Variants in HNRNPA1L2 observed in about 807,000 individuals in gnomAD.
The protein encoded by HNRNPA1L2 is heterogeneous nuclear ribonucleoprotein A1-like 2.
In HNRNPA1L2, 10 loss-of-function variants were observed where a neutral mutation model predicts 18.2. The ratio of observed to expected loss-of-function variants is 0.55; its 90% CI spans 0.34 to 0.93. The LOEUF (loss-of-function observed/expected upper bound fraction) is 0.93, where lower values mean the gene tolerates loss of function less well. HNRNPA1L2 is among the 40% of genes least tolerant of loss of function. The pLI, the probability that HNRNPA1L2 is intolerant of heterozygous loss-of-function variation, is 0.02. For synonymous variants in HNRNPA1L2, 124 were observed against 138.6 expected, an observed-to-expected ratio of 0.89 and a Z score of 0.74; for missense variants, 308 against 394.4, an observed-to-expected ratio of 0.78 and a Z score of 1.85.
upstream of HNRNPA1L2, chr13:52,641,336 G>T (rs1242391126): frequency 6.6e-6 from 1 of 152,196 alleles, no homozygotes; most frequent in African/African-American, 2.4e-5. Flanking sequence ...AGGTCACTAA[G>T]AGTAACCAAT....
At chr13:52,634,101 C>T in the HNRNPA1L2 span, among the ~76,000 whole-genome samples, 3 of 152,116 alleles carry the variant, frequency 2.0e-5, no homozygotes, top group African/African-American at 4.8e-5. Context: ...AACATTTGTT[C>T]ATTAGAACTG....
the HNRNPA1L2 span, among the ~76,000 whole-genome samples, chr13:52,622,458 TAAC>T: frequency 5.9e-5 from 9 of 152,302 alleles, no homozygotes; most frequent in South Asian, 1.0e-3. Context: ...TATATTTAAA[TAAC>T]AAGAGGATAT....
At chr13:52,624,340 C>A in the HNRNPA1L2 span, among the ~76,000 whole-genome samples, 1 of 152,154 alleles carries the variant, frequency 6.6e-6, no homozygotes, top group Non-Finnish European at 1.5e-5. Context: ...TCTTGAACTC[C>A]TGACTTTGTG....
At chr13:52,639,876 GTTTT>G, upstream of HNRNPA1L2, among the ~76,000 whole-genome samples, 1 of 56,994 alleles carries the variant, frequency 1.8e-5, no homozygotes. Context: ...TGTTGTTCTT[GTTTT>G]TTTTTTTTTT....
At chr13:52,622,819 T>C in the HNRNPA1L2 span, among the ~76,000 whole-genome samples, 2 of 152,126 alleles carry the variant, frequency 1.3e-5, no homozygotes, top group African/African-American at 4.8e-5. Context: ...CTAAGTGCAA[T>C]CAGTAATATC....
the HNRNPA1L2 span, among the ~76,000 whole-genome samples, chr13:52,621,388 TTTTTAAAGTAATC>T: frequency 0.017 from 2,615 of 152,330 alleles, 31 homozygotes; most frequent in Non-Finnish European, 0.028. Flanking sequence ...CACTCAGTTT[TTTTTAAAGTAATC>T]TTTTTGATAG....
In HNRNPA1L2 at chr13:52,642,606, A is replaced by G. The variant is rs1961693763; in HGVS notation, c.114A>G (p.Gly38=). 1 of 1,611,798 alleles carries G rather than the reference A, an allele frequency of 6.2e-7. No individual in the cohort carries two copies. The highest frequency in any genetic ancestry group is 1.1e-5 in the South Asian group (1 of 90,966). ...ESLRSHFEQW[G]TLTDCVVMRD... is the part of the protein sequence containing the mutation. ...TGAGGAGCCATTTTGAGCAATGGGG[A>G]ACGCTCACAGACTGTGTGGTAATGA... is the stretch of plus-strand genomic sequence containing the variant. Residue 38 remains glycine (G), a synonymous_variant, in exon 1 of 1, where the codon GGA becomes GGG. Coordinates refer to ENST00000357495, the MANE Select transcript of HNRNPA1L2 (RefSeq NM_001389320.1).
the HNRNPA1L2 span, among the ~76,000 whole-genome samples, chr13:52,626,882 A>G: frequency 1.9e-4 from 29 of 152,262 alleles, no homozygotes; most frequent in Admixed American, 1.6e-3. Context: ...TTTTCACCTC[A>G]GATTAGTTTT....
the HNRNPA1L2 span, among the ~76,000 whole-genome samples, chr13:52,631,152 C>G: frequency 6.6e-6 from 1 of 152,068 alleles, no homozygotes; most frequent in Non-Finnish European, 1.5e-5. Flanking sequence ...CCCAGACAAC[C>G]CAGGCCTGGA....
chr13:52,639,718 C>CAAAAAAAAAAAAAAA (rs1961585637), upstream of HNRNPA1L2, among the ~76,000 whole-genome samples: 4 of 119,096 alleles, frequency 3.4e-5, no homozygotes, highest in African/African-American at 6.6e-5. Flanking sequence ...AAAAAAAAAT[C>CAAAAAAAAAAAAAAA]AAAACTATCC....
At chr13:52,618,386 T>A in the HNRNPA1L2 span, among the ~76,000 whole-genome samples, 1 of 152,214 alleles carries the variant, frequency 6.6e-6, no homozygotes, top group Non-Finnish European at 1.5e-5. Context: ...TTTATTGTTA[T>A]GAAAGCCTAA....
the HNRNPA1L2 span, among the ~76,000 whole-genome samples, chr13:52,619,997 T>C: frequency 6.6e-6 from 1 of 151,808 alleles, no homozygotes; most frequent in Non-Finnish European, 1.5e-5. Context: ...ATGAGAGTCC[T>C]GTGTACTTAT....
rs551845012 is a variant in HNRNPA1L2, at chr13:52,643,695, A to C, written c.*240A>C. On this transcript the variant is annotated 3_prime_UTR_variant, in exon 1 of 1. Coordinates refer to ENST00000357495, the MANE Select transcript of HNRNPA1L2 (RefSeq NM_001389320.1). ...TGTGGAAAGTGTAAAGCATTCCAAC[A>C]AAGTGTTTTAATGTAGATTTTTTTT... The C allele has an allele frequency of 1.7e-6, 1 of 582,598 alleles. No homozygotes were observed. The highest frequency in any genetic ancestry group is 3.0e-6 in the Non-Finnish European group (1 of 329,056). 36.1% of individuals were successfully genotyped at this position (582,598 alleles called of 1,614,324 possible). A position where few individuals can be genotyped will look rare whatever the true frequency, so the allele number is the denominator to read the frequency against.
the HNRNPA1L2 span, among the ~76,000 whole-genome samples, chr13:52,635,575 A>AACACACACACACAC: frequency 7.0e-6 from 1 of 143,284 alleles, no homozygotes; most frequent in Non-Finnish European, 1.5e-5. Flanking sequence ...GTCCTTTTGC[A>AACACACACACACAC]ACACACACAC....
At chr13:52,640,221 C>T (rs532991036), upstream of HNRNPA1L2, among the ~76,000 whole-genome samples, 24 of 152,240 alleles carry the variant, frequency 1.6e-4, no homozygotes, top group East Asian at 4.1e-3. Context: ...GGATTACAGG[C>T]GTGAGCCATT....
chr13:52,625,737 A>T, the HNRNPA1L2 span, among the ~76,000 whole-genome samples: 2 of 152,214 alleles, frequency 1.3e-5, no homozygotes, highest in Non-Finnish European at 2.9e-5. Context: ...CACAGATAAC[A>T]GTTCTGAAAG....
At chr13:52,619,538 C>T in the HNRNPA1L2 span, among the ~76,000 whole-genome samples, 9 of 152,102 alleles carry the variant, frequency 5.9e-5, no homozygotes, top group Non-Finnish European at 1.3e-4. Context: ...GTCTCGAACT[C>T]CAGACCTCAG....
At chr13:52,620,824 G>A in the HNRNPA1L2 span, among the ~76,000 whole-genome samples, 1 of 151,838 alleles carries the variant, frequency 6.6e-6, no homozygotes, top group Non-Finnish European at 1.5e-5. Context: ...GCTGCAGTGA[G>A]CCAAGATCAC....
At chr13:52,626,578 A>G in the HNRNPA1L2 span, among the ~76,000 whole-genome samples, 1 of 152,166 alleles carries the variant, frequency 6.6e-6, no homozygotes, top group South Asian at 2.1e-4. Context: ...AGTACGCAAA[A>G]TGGTACAGTG....
Sources: gnomAD v4.1 joint callset for allele counts (sites outside exome capture counted in the v4.1 genomes callset) on GRCh38, gnomAD v4.1.1 for gene constraint, MANE v1.5 for transcripts, NCBI Gene and HGNC (gene_info 2026-07-23, HGNC 2026-07-21) for gene names.